The following ENTPD5 variants were observed in gnomAD, a reference collection of about 807,000 sequenced individuals.
ENTPD5 encodes ectonucleoside triphosphate diphosphohydrolase 5 (inactive), also known as nucleoside diphosphate phosphatase ENTPD5.
Under a neutral mutation model 60.2 loss-of-function variants are expected in ENTPD5, and 49 were observed. The ratio of observed to expected loss-of-function variants is 0.81; its 90% CI spans 0.65 to 1.03. The LOEUF (loss-of-function observed/expected upper bound fraction) is 1.03. Among genes scored for constraint, ENTPD5 ranks in the 50% least tolerant of loss-of-function variants. ENTPD5 has a pLI of 0.00. For missense variants in ENTPD5, 480 were observed against 507.6 expected (o/e 0.95, Z 0.52); for synonymous variants, 187 against 185.4 (o/e 1.01, Z -0.07).
At chr14:74,013,461 A>G (rs1468199849) in intron 2 of ENTPD5, among the ~76,000 whole-genome samples, 2 of 152,146 alleles carry the variant, frequency 1.3e-5, no homozygotes, top group Non-Finnish European at 2.9e-5. Context: ...ACAAATTTGT[A>G]AACTTTCTTA....
At chr14:73,972,857 C>A (rs1361597618) in intron 13 of ENTPD5, 27 bp downstream of exon 13, 2 of 1,612,562 alleles carry the variant, frequency 1.2e-6, no homozygotes, top group Non-Finnish European at 1.7e-6. Flanking sequence ...ACCTTCCTCT[C>A]TGGACTGACA....
intron 3 of ENTPD5, among the ~76,000 whole-genome samples, chr14:73,997,405 A>G (rs2058371753): frequency 6.6e-6 from 1 of 152,184 alleles, no homozygotes; most frequent in Admixed American, 6.5e-5. Context: ...GGAAAATTGG[A>G]TAGGTGATTA....
chr14:73,957,838 A>G (rs540157054), downstream of ENTPD5, among the ~76,000 whole-genome samples: 2 of 152,288 alleles, frequency 1.3e-5, no homozygotes, highest in Admixed American at 1.3e-4. Context: ...CAGCCTGTCT[A>G]CTGTAAAAGC....
chr14:73,996,948 C>A (rs1013440947), intron 3 of ENTPD5, among the ~76,000 whole-genome samples: 1 of 152,028 alleles, frequency 6.6e-6, no homozygotes, highest in African/African-American at 2.4e-5. Flanking sequence ...TCTCAAAAAA[C>A]AAACTAACAA....
intron 3 of ENTPD5, among the ~76,000 whole-genome samples, chr14:74,004,107 AAAAT>A (rs2140809415): frequency 1.3e-5 from 2 of 152,308 alleles, no homozygotes; most frequent in African/African-American, 4.8e-5. Flanking sequence ...CCTGTCTCAA[AAAAT>A]AAATTAATTA....
intron 3 of ENTPD5, among the ~76,000 whole-genome samples, chr14:74,006,725 C>T (rs556011883): frequency 4.0e-5 from 6 of 151,228 alleles, no homozygotes; most frequent in Non-Finnish European, 7.4e-5. Context: ...AGCTAGACTA[C>T]AGGAATGAGC....
intron 10 of ENTPD5, 26 bp from the exon 11 acceptor site, chr14:73,975,011 T>G (rs938889159): frequency 1.9e-6 from 3 of 1,570,720 alleles, no homozygotes; most frequent in Non-Finnish European, 2.6e-6. Context: ...TTGACTAATT[T>G]CATGCTGGTC....
intron 14 of ENTPD5, among the ~76,000 whole-genome samples, chr14:73,970,714 C>G (rs2057186460): frequency 6.6e-6 from 1 of 152,216 alleles, no homozygotes; most frequent in East Asian, 1.9e-4. Context: ...TTCTAAATCC[C>G]TTATCTATTA....
At chr14:73,976,900 C>T in intron 8 of ENTPD5, 124 bp downstream of exon 8, 1 of 886,416 alleles carries the variant, frequency 1.1e-6, no homozygotes. Flanking sequence ...AACTGCCACA[C>T]CCAGCCTCTT....
chr14:73,983,235 A>G, intron 5 of ENTPD5, 74 bp from the exon 6 acceptor site: 1 of 1,449,236 alleles, frequency 6.9e-7, no homozygotes, highest in East Asian at 2.3e-5. Context: ...CTGTCAACAT[A>G]CTTTGTGGGA....
chr14:74,009,935 G>A (rs2058796597), intron 3 of ENTPD5, among the ~76,000 whole-genome samples: 2 of 152,090 alleles, frequency 1.3e-5, no homozygotes, highest in African/African-American at 4.8e-5. Context: ...GGGACTACAG[G>A]TGCCCGCCAC....
At chr14:73,956,282 C>T (rs1287513138), downstream of ENTPD5, 6 of 259,986 alleles carry the variant, frequency 2.3e-5, no homozygotes, top group South Asian at 2.4e-4. Context: ...GAGCCGAGAT[C>T]ACGCCACTGC....
At chr14:73,985,685 G>A (rs945204594) in intron 5 of ENTPD5, among the ~76,000 whole-genome samples, 3 of 152,106 alleles carry the variant, frequency 2.0e-5, no homozygotes, top group Non-Finnish European at 4.4e-5. Flanking sequence ...CTCCCGTTCT[G>A]TAGGTTGCCT....
intron 3 of ENTPD5, among the ~76,000 whole-genome samples, chr14:73,989,276 C>T (rs62005063): frequency 0.16 from 24,138 of 151,852 alleles, 2,355 homozygotes; most frequent in East Asian, 0.35. Context: ...CAAAAAAATA[C>T]ACAGGCCAGG....
At chr14:74,003,411 A>T (rs1287087084) in intron 3 of ENTPD5, 1 of 863,654 alleles carries the variant, frequency 1.2e-6, no homozygotes, top group African/African-American at 1.7e-5. Context: ...AGCTAAGTGG[A>T]GGAAAAAGCG....
At chr14:73,955,685 T>A, downstream of ENTPD5, 1 of 1,508,472 alleles carries the variant, frequency 6.6e-7, no homozygotes, top group Non-Finnish European at 9.2e-7. Context: ...TATATTTTCC[T>A]ACCAGAGAGG....
At chr14:73,994,386 C>T (rs1284012702) in intron 3 of ENTPD5, among the ~76,000 whole-genome samples, 1 of 151,990 alleles carries the variant, frequency 6.6e-6, no homozygotes, top group Non-Finnish European at 1.5e-5. Context: ...CTCAGCCTCC[C>T]AAAGTCCTGG....
chr14:73,987,811 C>T, intron 4 of ENTPD5, 75 bp downstream of exon 4: 1 of 1,370,912 alleles, frequency 7.3e-7, no homozygotes, highest in South Asian at 1.3e-5. Context: ...AATAAACTCT[C>T]AGCATATTTG....
At chr14:73,959,249 G>A (rs915624002), downstream of ENTPD5, 16 of 1,614,072 alleles carry the variant, frequency 9.9e-6, no homozygotes, top group Admixed American at 1.7e-5. Flanking sequence ...TGACCAGTCC[G>A]CCCACATGCA....
Sources: allele counts gnomAD v4.1 joint callset (sites outside exome capture counted in the v4.1 genomes callset), GRCh38; gene constraint gnomAD v4.1.1; transcripts MANE v1.5; gene names NCBI Gene and HGNC (gene_info 2026-07-23, HGNC 2026-07-21).